BRIP1: variants seen among roughly 807,000 people sequenced by gnomAD.
BRIP1 encodes BRCA1 interacting DNA helicase 1.
In BRIP1, 88 loss-of-function variants were observed where a neutral mutation model predicts 119.7. The observed-to-expected ratio is 0.74, with a 90% CI of 0.62 to 0.88. BRIP1 has a LOEUF of 0.88. BRIP1 is among the 40% of genes least tolerant of loss of function. The probability of loss-of-function intolerance (pLI) is 0.00; values close to 1 mark genes in which losing one functional copy is unlikely to be tolerated. For missense variants in BRIP1, 1,259 were observed against 1,455.4 expected (o/e 0.87, Z 2.20); for synonymous variants, 443 against 496.5 (o/e 0.89, Z 1.43).
chr17:61,849,039 A>G (rs2145758900), intron 5 of BRIP1, 90 bp downstream of exon 5: 1 of 1,405,012 alleles, frequency 7.1e-7, no homozygotes, highest in Non-Finnish European at 1.0e-6. Flanking sequence ...GACCCAACTA[A>G]TCTCCACAAG....
At position 61,823,688 on chromosome 17, in the gene BRIP1, T is replaced by C. The variant is rs2078359738; in HGVS notation, c.628-14931A>G. ...AGAAAATATTTTTAAATGGCTCAAA[T>C]TGTTCATAATTTGATGAAAACTATA... On this transcript the variant is annotated intron_variant, in intron 6 of 19. Coordinates refer to ENST00000259008, the MANE Select transcript of BRIP1 (RefSeq NM_032043.3). This position sits in a 1 kb window ranked among gnomAD's most constrained non-coding sequence, Gnocchi z 4.8. Among the ~76,000 whole-genome samples, 1 of 151,862 alleles carries C rather than the reference T, an allele frequency of 6.6e-6. No homozygotes were observed. Among genetic ancestry groups the C allele is most frequent in the Non-Finnish European group, 1.5e-5 (1 of 67,996 alleles).
Position 61,745,379 on chromosome 17 carries a change from T to A in BRIP1, c.2098-788A>T, listed in dbSNP as rs890653159. On this transcript the variant is annotated intron_variant, in intron 14 of 19. Coordinates refer to ENST00000259008, the MANE Select transcript of BRIP1 (RefSeq NM_032043.3). This position sits in a 1 kb window ranked among gnomAD's most constrained non-coding sequence, Gnocchi z 4.4. Reference sequence around the variant, plus strand: ...AAAACAAAAACTCATCTTGATTGATTGATTGATTTTAGAGACAGGGTCTCT... The same window carrying A: ...AAAACAAAAACTCATCTTGATTGATAGATTGATTTTAGAGACAGGGTCTCT... Among the ~76,000 whole-genome samples the A allele has an allele frequency of 6.6e-6, 1 of 152,200 alleles. No homozygotes were observed. The highest frequency in any genetic ancestry group is 6.5e-5 in the Admixed American group (1 of 15,278).
At position 61,780,421 on chromosome 17, in the gene BRIP1, G is replaced by A. The variant is rs750994596; in HGVS notation, c.1795-20C>T. 6.3e-7 allele frequency: 1 copy of A among 1,596,560 alleles called. No individual in the cohort carries two copies. The highest frequency in any genetic ancestry group is 8.6e-7 in the Non-Finnish European group (1 of 1,164,546). On this transcript the variant is annotated intron_variant, in intron 12 of 19. Coordinates refer to ENST00000259008, the MANE Select transcript of BRIP1 (RefSeq NM_032043.3). This position sits in a 1 kb window ranked among gnomAD's most constrained non-coding sequence, Gnocchi z 5.4. ...AAAGGCCTAAAAGAAAACAACATTAGATAAATAAAATTATCTTTAGAAGAG... is the reference window on the plus strand; with the variant it reads ...AAAGGCCTAAAAGAAAACAACATTAAATAAATAAAATTATCTTTAGAAGAG...
chr17:61,717,182 A>G lies in BRIP1; in HGVS notation c.2380-1119T>C, dbSNP rs901520379. 4.6e-5 allele frequency among the ~76,000 whole-genome samples: 7 copies of G among 152,112 alleles called. No individual in the cohort carries two copies. The highest frequency in any genetic ancestry group is 1.4e-4 in the African/African-American group (6 of 41,462). On this transcript the variant is annotated intron_variant, in intron 16 of 19. Transcript: ENST00000259008. This position sits in a 1 kb window ranked among gnomAD's most constrained non-coding sequence, Gnocchi z 4.1. ...CAATTTCCCCTAATGTTAACATCTT[A>G]TATTACTATAGCTCATGTCAAATTA... is the stretch of plus-strand genomic sequence containing the variant.
chr17:61,740,163 G>A lies in BRIP1; in HGVS notation c.2379+2850C>T, dbSNP rs2076968316. Among the ~76,000 whole-genome samples the A allele has an allele frequency of 1.3e-5, 2 of 152,170 alleles. No individual in the cohort carries two copies. The highest frequency in any genetic ancestry group is 2.1e-4 in the South Asian group (1 of 4,810). On this transcript the variant is annotated intron_variant, in intron 16 of 19. Transcript: ENST00000259008. This position sits in a 1 kb window ranked among gnomAD's most constrained non-coding sequence, Gnocchi z 5.4. ...ATTAAAGTACAAGCAGAGCGCAGTG[G>A]TCCTGTTGAGCTGAGGTGGAAGAGA...
intron 17 of BRIP1, among the ~76,000 whole-genome samples, chr17:61,714,043 G>A (rs1290312041): frequency 6.6e-6 from 1 of 152,126 alleles, no homozygotes; most frequent in East Asian, 1.9e-4. Flanking sequence ...GGGCACAGTG[G>A]CGTGTGCCTG....
At position 61,713,726 on chromosome 17, in the gene BRIP1, T is replaced by C. The variant is rs1047073802; in HGVS notation, c.2492+2225A>G. On this transcript the variant is annotated intron_variant, in intron 17 of 19. Transcript: ENST00000259008. This position sits in a 1 kb window ranked among gnomAD's most constrained non-coding sequence, Gnocchi z 4.9. ...TAGTAGAGATGGGGTTTCACCACGT[T>C]GGCCAGGTTGCTATCGAACTCCTGA... Among the ~76,000 whole-genome samples, 3 of 152,062 alleles carry C rather than the reference T, an allele frequency of 2.0e-5. No homozygotes were observed. Among genetic ancestry groups the C allele is most frequent in the Non-Finnish European group, 2.9e-5 (2 of 68,000 alleles).
In BRIP1 at chr17:61,822,060, A is replaced by T. The variant is rs936125831; in HGVS notation, c.628-13303T>A. 6.6e-6 allele frequency among the ~76,000 whole-genome samples: 1 copy of T among 152,386 alleles called. No homozygotes were observed. The highest frequency in any genetic ancestry group is 2.4e-5 in the African/African-American group (1 of 41,600). On this transcript the variant is annotated intron_variant, in intron 6 of 19. Transcript: ENST00000259008. This position sits in a 1 kb window ranked among gnomAD's most constrained non-coding sequence, Gnocchi z 4.4. ...GCCACCAGTAAAAGAACTAAATGAC[A>T]GAAGACATAATAAAAACCTCGTGTG...
rs367644549 is a variant in BRIP1 at position 61,822,768 on chromosome 17, TA to T, written c.628-14012del. Among the ~76,000 whole-genome samples the T allele has an allele frequency of 0.036, 5,203 of 145,972 alleles. 309 individuals are homozygous for T. Among genetic ancestry groups the T allele is most frequent in the African/African-American group, 0.12 (4,808 of 40,226 alleles). ...ATGTGAATGGGGAAAAGTTTGTGTT[TA>T]AAAAAAAAAAGGCCCTGTATGACTA... On this transcript the variant is annotated intron_variant, in intron 6 of 19. Coordinates refer to ENST00000259008, the MANE Select transcript of BRIP1 (RefSeq NM_032043.3). The surrounding 1 kb of genome is among the most constrained non-coding windows in gnomAD (Gnocchi z 4.4).
At position 61,761,974 on chromosome 17, in the gene BRIP1, A is replaced by C. The variant is rs1263777911; in HGVS notation, c.2097+14427T>G. On this transcript the variant is annotated intron_variant, in intron 14 of 19. Coordinates refer to ENST00000259008, the MANE Select transcript of BRIP1 (RefSeq NM_032043.3). The surrounding 1 kb of genome is among the most constrained non-coding windows in gnomAD (Gnocchi z 6.4). ...ATGGCAGTCATGAGTAAAAAGAACA[A>C]AAATGGAGGCATCACACGACCTGAT... Among the ~76,000 whole-genome samples the C allele has an allele frequency of 1.3e-5, 2 of 152,126 alleles. No homozygotes were observed. Among genetic ancestry groups the C allele is most frequent in the Non-Finnish European group, 2.9e-5 (2 of 67,998 alleles).
chr17:61,699,612 G>T lies in BRIP1; in HGVS notation c.2493-6100C>A, dbSNP rs1474690655. ...CATATAAATTATATCTTTAAACATT[G>T]TATGCTGGTGCAGAAGAATTAACAT... On this transcript the variant is annotated intron_variant, in intron 17 of 19. Transcript: ENST00000259008. The surrounding 1 kb of genome is among the most constrained non-coding windows in gnomAD (Gnocchi z 4.8). Among the ~76,000 whole-genome samples, 2 of 152,010 alleles carry T rather than the reference G, an allele frequency of 1.3e-5. No homozygotes were observed. Among genetic ancestry groups the T allele is most frequent in the Non-Finnish European group, 2.9e-5 (2 of 68,002 alleles).
rs1378603165 is a variant in BRIP1, at chr17:61,748,750, C to A, written c.2098-4159G>T. Reference sequence around the variant, plus strand: ...AGTCTCTTCAACAAATAGTTCAGGGCAAACAATATCCACATGCAAAAGAAT... The same window carrying A: ...AGTCTCTTCAACAAATAGTTCAGGGAAAACAATATCCACATGCAAAAGAAT... On this transcript the variant is annotated intron_variant, in intron 14 of 19. Coordinates refer to ENST00000259008, the MANE Select transcript of BRIP1 (RefSeq NM_032043.3). The surrounding 1 kb of genome is among the most constrained non-coding windows in gnomAD (Gnocchi z 4.7). Among the ~76,000 whole-genome samples the A allele has an allele frequency of 6.6e-6, 1 of 152,174 alleles. No homozygotes were observed. Among genetic ancestry groups the A allele is most frequent in the Non-Finnish European group, 1.5e-5 (1 of 68,036 alleles).
chr17:61,857,252 A>C lies in BRIP1; in HGVS notation c.206-21T>G. On this transcript the variant is annotated intron_variant, in intron 3 of 19. Transcript: ENST00000259008. This position sits in a 1 kb window ranked among gnomAD's most constrained non-coding sequence, Gnocchi z 5.1. The stretch of plus-strand genomic sequence containing the variant: ...TTTCCCTAAAAATGAAAGAACATCT[A>C]TTTATAATATATCTAATTAAATAAA... The C allele has an allele frequency of 6.3e-7, 1 of 1,579,064 alleles. No individual in the cohort carries two copies. The highest frequency in any genetic ancestry group is 8.7e-7 in the Non-Finnish European group (1 of 1,153,942).
rs1186442006 is a variant in BRIP1 at position 61,846,144 on chromosome 17, C to T, written c.627+957G>A. On this transcript the variant is annotated intron_variant, in intron 6 of 19. Transcript: ENST00000259008. The surrounding 1 kb of genome is among the most constrained non-coding windows in gnomAD (Gnocchi z 4.3). ...TTGCAGTGGGCGGAGATCACGCCAC[C>T]GCACTTCCAGCCTGGGTGACAGAGC... Among the ~76,000 whole-genome samples the T allele has an allele frequency of 3.3e-5, 5 of 150,856 alleles. No individual in the cohort carries two copies. Among genetic ancestry groups the T allele is most frequent in the Non-Finnish European group, 5.9e-5 (4 of 67,792 alleles).
rs1485193371 is a variant in BRIP1 at position 61,851,917 on chromosome 17, T to C, written c.380-2661A>G. Among the ~76,000 whole-genome samples the C allele has an allele frequency of 6.6e-6, 1 of 152,190 alleles. No individual in the cohort carries two copies. Among genetic ancestry groups the C allele is most frequent in the Non-Finnish European group, 1.5e-5 (1 of 68,040 alleles). ...ACTGGGCAATGTCTGGAGACATTTT[T>C]CGTTGTCACAAAAAGAGCAGAGGTG... is the stretch of plus-strand genomic sequence containing the variant. On this transcript the variant is annotated intron_variant, in intron 4 of 19. Transcript: ENST00000259008. The surrounding 1 kb of genome is among the most constrained non-coding windows in gnomAD (Gnocchi z 4.6).
chr17:61,697,837 GCT>G (rs2061553447), intron 17 of BRIP1, among the ~76,000 whole-genome samples: 1 of 150,366 alleles, frequency 6.7e-6, no homozygotes, highest in Non-Finnish European at 1.5e-5. Flanking sequence ...ACAGAGTCTC[GCT>G]CTGTCAGCCA....
In BRIP1 at chr17:61,834,960, C is replaced by A. The variant is rs9908486; in HGVS notation, c.627+12141G>T. On this transcript the variant is annotated intron_variant, in intron 6 of 19. Transcript: ENST00000259008. This position sits in a 1 kb window ranked among gnomAD's most constrained non-coding sequence, Gnocchi z 4.4. Reference sequence around the variant, plus strand: ...AGCTAAATAAATGGTTGGTTTGTTACAGCAACAGATAACATTGCATGTGTG... The same window carrying A: ...AGCTAAATAAATGGTTGGTTTGTTAAAGCAACAGATAACATTGCATGTGTG... Among the ~76,000 whole-genome samples the A allele has an allele frequency of 0.067, 10,218 of 152,254 alleles. 1,115 individuals carry two copies. Among genetic ancestry groups the A allele is most frequent in the African/African-American group, 0.23 (9,637 of 41,502 alleles).
Position 61,704,016 on chromosome 17 carries a change from T to C in BRIP1, c.2493-10504A>G, listed in dbSNP as rs191137188. On this transcript the variant is annotated intron_variant, in intron 17 of 19. Transcript: ENST00000259008. The surrounding 1 kb of genome is among the most constrained non-coding windows in gnomAD (Gnocchi z 5.7). ...GTCTTACACTTAAATCTTTAATCCA[T>C]CTTGAGTTAATTTTAATCCATCTTG... Among the ~76,000 whole-genome samples the C allele has an allele frequency of 3.0e-4, 45 of 152,316 alleles. No individual in the cohort carries two copies. The highest frequency in any genetic ancestry group is 1.0e-3 in the African/African-American group (42 of 41,574).
At position 61,687,504 on chromosome 17, in the gene BRIP1, T is replaced by C. The variant is rs2061379709; in HGVS notation, c.2576-1339A>G. On this transcript the variant is annotated intron_variant, in intron 18 of 19. Transcript: ENST00000259008. This position sits in a 1 kb window ranked among gnomAD's most constrained non-coding sequence, Gnocchi z 5.1. ...AAAGCAATATTTTCTGCTTTATGTT[T>C]TAATATCAAACCAAATACAGTCATT... 6.6e-6 allele frequency among the ~76,000 whole-genome samples: 1 copy of C among 152,228 alleles called. No individual in the cohort carries two copies. The highest frequency in any genetic ancestry group is 1.5e-5 in the Non-Finnish European group (1 of 68,038).
Sources: gnomAD v4.1 joint callset for allele counts (sites outside exome capture counted in the v4.1 genomes callset) on GRCh38, gnomAD v4.1.1 for gene constraint, Gnocchi (gnomAD v3.1) non-coding constraint, MANE v1.5 for transcripts, NCBI Gene and HGNC (gene_info 2026-07-23, HGNC 2026-07-21) for gene names.